Variants in CDCA5 observed in about 807,000 individuals in gnomAD.
The protein encoded by CDCA5 is sororin.
A neutral mutation model predicts 25.7 loss-of-function variants in CDCA5; 14 were observed. That is an observed-to-expected ratio of 0.54 (90% CI 0.36 to 0.85). CDCA5 has a LOEUF of 0.85. CDCA5 is among the 40% of genes least tolerant of loss of function. CDCA5 has a pLI of 0.01. For synonymous variants in CDCA5, 127 were observed against 128.7 expected (o/e 0.99, Z 0.09); for missense variants, 307 against 324.5 (o/e 0.95, Z 0.41).
At chr11:65,077,340 G>T, downstream of CDCA5, 2 of 378,760 alleles carry the variant, frequency 5.3e-6, no homozygotes, top group Non-Finnish European at 7.3e-6. Context: ...GCGAATGCGG[G>T]GAAGCGGGGC....
downstream of CDCA5, among the ~76,000 whole-genome samples, chr11:65,064,950 C>G (rs148725461): frequency 6.6e-6 from 1 of 152,192 alleles, no homozygotes; most frequent in African/African-American, 2.4e-5. Flanking sequence ...AGTCACTAAT[C>G]AAGCACTTCA....
chr11:65,083,628 C>T lies in CDCA5; in HGVS notation c.141+1G>A, dbSNP rs1443925290. Reference sequence around the variant, plus strand: ...GAGGAAGTGAGAAATCTGGGGCTCACCTTCGGCCAGATTTCAGGGAGGATG... The same window carrying T: ...GAGGAAGTGAGAAATCTGGGGCTCATCTTCGGCCAGATTTCAGGGAGGATG... On this transcript the variant is annotated splice_donor_variant, in intron 2 of 5. Coordinates refer to ENST00000275517, the MANE Select transcript of CDCA5 (RefSeq NM_080668.4). LOFTEE classifies it high-confidence loss of function. The T allele has an allele frequency of 2.5e-6, 4 of 1,614,048 alleles. No individual in the cohort carries two copies. In the African/African-American group the frequency reaches 4.0e-5, roughly 16 times the overall value.
chr11:65,078,971 C>A lies in CDCA5; in HGVS notation c.*136G>T. 4 of 1,279,654 alleles carry A rather than the reference C, an allele frequency of 3.1e-6. No homozygotes were observed. Among genetic ancestry groups the A allele is most frequent in the Non-Finnish European group, 3.9e-6 (4 of 1,015,180 alleles). 79.3% of individuals were successfully genotyped at this position (1,279,654 alleles called of 1,614,324 possible). Reference sequence around the variant, plus strand: ...TGCTGCCCAAGCCCTCAAAGGCAGACAGTCCTCATGCGCAGCACCAGCACA... The same window carrying A: ...TGCTGCCCAAGCCCTCAAAGGCAGAAAGTCCTCATGCGCAGCACCAGCACA... On this transcript the variant is annotated 3_prime_UTR_variant, in exon 6 of 6. Coordinates refer to ENST00000275517, the MANE Select transcript of CDCA5 (RefSeq NM_080668.4).
downstream of CDCA5, among the ~76,000 whole-genome samples, chr11:65,074,827 C>A (rs1947409544): frequency 6.6e-6 from 1 of 150,840 alleles, no homozygotes; most frequent in East Asian, 1.9e-4. Context: ...TTTAGGAGGC[C>A]AAGGAGGGTG....
intron 1 of CDCA5, among the ~76,000 whole-genome samples, chr11:65,071,970 A>T (rs1025313037): frequency 6.6e-6 from 1 of 152,204 alleles, no homozygotes; most frequent in South Asian, 2.1e-4. Context: ...AACTCCACAA[A>T]TATTGACTGA....
downstream of CDCA5, among the ~76,000 whole-genome samples, chr11:65,072,938 CTTTTTTT>C (rs751923442): frequency 6.0e-5 from 6 of 99,960 alleles, no homozygotes; most frequent in East Asian, 2.8e-4. Flanking sequence ...TTATTTCATT[CTTTTTTT>C]TTTTTTTTTT....
At chr11:65,067,128 G>C (rs1947254034) in intron 4 of CDCA5, among the ~76,000 whole-genome samples, 1 of 152,260 alleles carries the variant, frequency 6.6e-6, no homozygotes, top group African/African-American at 2.4e-5. Flanking sequence ...TGCAAGAGCA[G>C]GGCAGGCTGC....
chr11:65,079,401 T>G lies in CDCA5; in HGVS notation c.630A>C (p.Pro210=), dbSNP rs773128401. ...TCTTACGTTTCTGTTTCTCGGGTGG[T>G]GGGGAGATTCCAGGGAGAGTCATGT... The part of the protein sequence containing the change: ...APDMTLPGIS[P]PPEKQKRKKK... Residue 210 remains proline, a synonymous_variant, in exon 5 of 6, where the codon CCA becomes CCC. Coordinates refer to ENST00000275517, the MANE Select transcript of CDCA5 (RefSeq NM_080668.4). The G allele has an allele frequency of 6.2e-6, 10 of 1,613,964 alleles. No individual in the cohort carries two copies. The East Asian group carries it at 2.0e-4, about 32-fold the overall frequency.
chr11:65,079,426 TCTGGGG>T lies in CDCA5; in HGVS notation c.599_604del (p.Ala200_Pro201del). On this transcript the variant is annotated inframe_deletion, in exon 5 of 6. Transcript: ENST00000275517. Reference sequence around the variant, plus strand: ...TGGGGAGATTCCAGGGAGAGTCATGTCTGGGGCCCAGGGCTTTGCACAAACCCTGGG... The same window carrying T: ...TGGGGAGATTCCAGGGAGAGTCATGTCCCAGGGCTTTGCACAAACCCTGGG... 1 of 1,614,084 alleles carries T rather than the reference TCTGGGG, an allele frequency of 6.2e-7. No homozygotes were observed. The highest frequency in any genetic ancestry group is 8.5e-7 in the Non-Finnish European group (1 of 1,180,002).
Position 65,078,171 on chromosome 11 carries a change from T to C in CDCA5, c.*936A>G. 1 of 985,460 alleles carries C rather than the reference T, an allele frequency of 1.0e-6. No individual in the cohort carries two copies. Among genetic ancestry groups the C allele is most frequent in the South Asian group, 4.7e-5 (1 of 21,286 alleles). The allele number at this position is 985,460 out of a possible 1,614,324, so 61.0% of individuals were successfully genotyped here. On this transcript the variant is annotated 3_prime_UTR_variant, in exon 6 of 6. Coordinates refer to ENST00000275517, the MANE Select transcript of CDCA5 (RefSeq NM_080668.4). ...TGCAAAATGCTAGTAGGTCTGGGACTCTTCAACTTTCTCTTCTAGGGCCAA... is the reference window on the plus strand; with the variant it reads ...TGCAAAATGCTAGTAGGTCTGGGACCCTTCAACTTTCTCTTCTAGGGCCAA...
chr11:65,082,806 G>GA (rs1947599849), intron 4 of CDCA5, among the ~76,000 whole-genome samples: 1 of 151,624 alleles, frequency 6.6e-6, no homozygotes, highest in Non-Finnish European at 1.5e-5. Context: ...CTTCTTCCAC[G>GA]AAACATTCCC....
Position 65,067,966 on chromosome 11 carries a change from C to T in CDCA5, c.269+61G>A, listed in dbSNP as rs1028961902. On this transcript the variant is annotated intron_variant, in intron 3 of 6. Coordinates refer to the CDCA5 transcript ENST00000525464. ...ACCATCCACCTCCCCCAGTTTTGTGCGTGCCTGCATGTGCCTGCATGGGCA... is the reference window on the plus strand; with the variant it reads ...ACCATCCACCTCCCCCAGTTTTGTGTGTGCCTGCATGTGCCTGCATGGGCA... 1.2e-4 allele frequency: 136 copies of T among 1,145,564 alleles called. No homozygotes were observed. The African/African-American group carries it at 1.8e-3, about 15-fold the overall frequency. 71.0% of individuals were successfully genotyped at this position (1,145,564 alleles called of 1,614,324 possible).
downstream of CDCA5, among the ~76,000 whole-genome samples, chr11:65,073,034 G>A (rs772002370): frequency 1.3e-4 from 17 of 127,386 alleles, no homozygotes; most frequent in Non-Finnish European, 1.1e-4. Flanking sequence ...ACCTCCACCC[G>A]CCAGGGTTCA....
chr11:65,074,852 G>A (rs146094435), downstream of CDCA5, among the ~76,000 whole-genome samples: 4,559 of 151,436 alleles, frequency 0.03, 105 homozygotes, highest in African/African-American at 0.059. Context: ...ACCTGAGGTC[G>A]GGAGTTCAAG....
chr11:65,065,661 A>G (rs1016401505), downstream of CDCA5, among the ~76,000 whole-genome samples: 14 of 152,196 alleles, frequency 9.2e-5, no homozygotes, highest in African/African-American at 3.1e-4. Context: ...GCAATCTTCT[A>G]TCAGGATTCC....
chr11:65,072,191 G>A (rs1947354244), intron 1 of CDCA5, among the ~76,000 whole-genome samples: 1 of 152,214 alleles, frequency 6.6e-6, no homozygotes, highest in Admixed American at 6.5e-5. Context: ...GAAAACCATG[G>A]CTCAAGAAGA....
chr11:65,071,630 C>T (rs1947345404), intron 1 of CDCA5, among the ~76,000 whole-genome samples: 1 of 152,144 alleles, frequency 6.6e-6, no homozygotes, highest in African/African-American at 2.4e-5. Context: ...TGTTGTTTAT[C>T]TAAGATTCAG....
rs1229302140 is a variant in CDCA5, at chr11:65,079,193, G to T, written c.679-6C>A. 6.6e-7 allele frequency: 1 copy of T among 1,526,652 alleles called. No homozygotes were observed. The highest frequency in any genetic ancestry group is 1.4e-5 in the African/African-American group (1 of 71,850). 94.6% of individuals were successfully genotyped at this position (1,526,652 alleles called of 1,614,324 possible). A position where few individuals can be genotyped will look rare whatever the true frequency, so the allele number is the denominator to read the frequency against. ...CACTCATCCAGCTCCGTTTTCTGAG[G>T]GAAGAGAAATGAGGAGCAGGTGAGT... On this transcript the variant is annotated splice_region_variant and splice_polypyrimidine_tract_variant and intron_variant, in intron 5 of 5. Coordinates refer to ENST00000275517, the MANE Select transcript of CDCA5 (RefSeq NM_080668.4).
chr11:65,068,230 A>T (rs1272630438), intron 2 of CDCA5: 2 of 633,318 alleles, frequency 3.2e-6, no homozygotes, highest in African/African-American at 1.9e-5. Flanking sequence ...CAGGGGCCCC[A>T]TCGTCTGTAT....
Sources: allele counts gnomAD v4.1 joint callset (sites outside exome capture counted in the v4.1 genomes callset), GRCh38; gene constraint gnomAD v4.1.1; transcripts MANE v1.5; gene names NCBI Gene and HGNC (gene_info 2026-07-23, HGNC 2026-07-21).